The following PPARGC1B variants were observed in gnomAD, a reference collection of about 807,000 sequenced individuals.
PPARGC1B encodes the protein peroxisome proliferator-activated receptor gamma coactivator 1-beta.
In PPARGC1B, 34 loss-of-function variants were observed where a neutral mutation model predicts 101.6. The observed-to-expected ratio is 0.33, with a 90% CI of 0.25 to 0.45. PPARGC1B has a LOEUF of 0.45. Ranked by LOEUF, PPARGC1B falls within the 20% of genes least tolerant of loss-of-function variation. The pLI, the probability that PPARGC1B is intolerant of heterozygous loss-of-function variation, is 1.00. For missense variants in PPARGC1B, 1,234 were observed against 1,317.6 expected (o/e 0.94, Z 0.98); for synonymous variants, 548 against 539.3 (o/e 1.02, Z -0.22).
chr5:149,793,836 G>A (rs1757109452), intron 1 of PPARGC1B, among the ~76,000 whole-genome samples: 1 of 152,240 alleles, frequency 6.6e-6, no homozygotes. Flanking sequence ...GCAGAGACAA[G>A]CAGCTCTGAA....
At chr5:149,743,217 G>GTGA (rs1268904170) in intron 1 of PPARGC1B, among the ~76,000 whole-genome samples, 1 of 148,790 alleles carries the variant, frequency 6.7e-6, no homozygotes, top group Non-Finnish European at 1.5e-5. Context: ...GTGCAGTGGT[G>GTGA]TGATCTCGGC....
intron 4 of PPARGC1B, among the ~76,000 whole-genome samples, chr5:149,831,288 TAGACATCCAGGGTCA>T (rs1007561967): frequency 2.6e-5 from 4 of 152,270 alleles, no homozygotes; most frequent in African/African-American, 9.6e-5. Flanking sequence ...AGCTCTGCCA[TAGACATCCAGGGTCA>T]AAGAACATCC....
chr5:149,762,520 C>A (rs953558778), intron 1 of PPARGC1B, among the ~76,000 whole-genome samples: 3 of 152,178 alleles, frequency 2.0e-5, no homozygotes, highest in Non-Finnish European at 4.4e-5. Context: ...CTGACCCACC[C>A]ATGGGGCCTC....
Position 149,833,693 on chromosome 5 carries a change from C to T in PPARGC1B, c.1620C>T (p.Pro540=). Residue 540 remains proline (P), a synonymous_variant, in exon 5 of 12, where the codon CCC becomes CCT. Coordinates refer to ENST00000309241, the MANE Select transcript of PPARGC1B (RefSeq NM_133263.4). This position sits in a 1 kb window ranked among gnomAD's most constrained non-coding sequence, Gnocchi z 4.1. ...AAGACCAGCAGCTCCTACGGGGACC[C>T]CAGATCCCTGCCCTGGAGAGCCCCT... ...SGQDQQLLRG[P]QIPALESPCE... is the part of the protein sequence containing the mutation. The T allele has an allele frequency of 6.2e-7, 1 of 1,608,242 alleles. No individual in the cohort carries two copies. The highest frequency in any genetic ancestry group is 8.5e-7 in the Non-Finnish European group (1 of 1,178,338).
intron 1 of PPARGC1B, among the ~76,000 whole-genome samples, chr5:149,777,273 C>T (rs1756400310): frequency 1.3e-5 from 2 of 152,204 alleles, no homozygotes; most frequent in South Asian, 4.1e-4. Context: ...CTGCTCACCA[C>T]ACATGCTCTG....
At chr5:149,788,018 A>G (rs1464465271) in intron 1 of PPARGC1B, among the ~76,000 whole-genome samples, 1 of 152,256 alleles carries the variant, frequency 6.6e-6, no homozygotes, top group African/African-American at 2.4e-5. Flanking sequence ...GGCATGGGCA[A>G]GGACTTCATG....
chr5:149,763,949 G>A (rs760486062), intron 1 of PPARGC1B, among the ~76,000 whole-genome samples: 3 of 151,952 alleles, frequency 2.0e-5, no homozygotes, highest in Non-Finnish European at 4.4e-5. Context: ...CAAAGTGCTG[G>A]GATTACAGGT....
chr5:149,778,060 A>ATC (rs58362376), intron 1 of PPARGC1B, among the ~76,000 whole-genome samples: 2 of 31,660 alleles, frequency 6.3e-5, no homozygotes, highest in Non-Finnish European at 1.1e-4. Flanking sequence ...ATGTAGCAGC[A>ATC]TCTCACACAC....
chr5:149,818,777 C>T (rs925236586), intron 1 of PPARGC1B: 4 of 455,206 alleles, frequency 8.8e-6, no homozygotes, highest in Non-Finnish European at 1.8e-5. Flanking sequence ...TGTTATATTA[C>T]TCTTAGCTGA....
At chr5:149,755,486 A>C (rs980607195) in intron 1 of PPARGC1B, among the ~76,000 whole-genome samples, 2 of 152,100 alleles carry the variant, frequency 1.3e-5, no homozygotes, top group Non-Finnish European at 2.9e-5. Flanking sequence ...CAGTTCTGCT[A>C]GCTGTTAGAT....
intron 1 of PPARGC1B, chr5:149,772,054 G>T: frequency 6.5e-7 from 1 of 1,544,708 alleles, no homozygotes; most frequent in Non-Finnish European, 8.7e-7. Context: ...GCCAGGCTGT[G>T]CACAGGTGGG....
chr5:149,774,673 A>G (rs927878501), intron 1 of PPARGC1B, among the ~76,000 whole-genome samples: 1 of 151,752 alleles, frequency 6.6e-6, no homozygotes, highest in Non-Finnish European at 1.5e-5. Context: ...GGGACCTGTA[A>G]TGACTAGGTC....
At chr5:149,773,482 C>T (rs1756227493) in intron 1 of PPARGC1B, among the ~76,000 whole-genome samples, 2 of 152,252 alleles carry the variant, frequency 1.3e-5, no homozygotes, top group Admixed American at 6.5e-5. Context: ...GCAGCGTCTA[C>T]TCTTAGGTGT....
downstream of PPARGC1B, among the ~76,000 whole-genome samples, chr5:149,855,960 T>C (rs1284742630): frequency 1.3e-5 from 2 of 151,556 alleles, no homozygotes; most frequent in Non-Finnish European, 2.9e-5. Context: ...CTACTAACAA[T>C]ACAAAAATTA....
intron 6 of PPARGC1B, among the ~76,000 whole-genome samples, chr5:149,834,927 G>A (rs1042934826): frequency 2.0e-5 from 3 of 152,174 alleles, no homozygotes; most frequent in African/African-American, 7.2e-5. Flanking sequence ...AAGGCCTCAG[G>A]CCATTTCATA....
intron 1 of PPARGC1B, among the ~76,000 whole-genome samples, chr5:149,792,570 G>A (rs1052668273): frequency 6.6e-6 from 1 of 152,194 alleles, no homozygotes; most frequent in African/African-American, 2.4e-5. Context: ...TTCTAATTCT[G>A]GCCGGCGGCA....
downstream of PPARGC1B, among the ~76,000 whole-genome samples, chr5:149,856,865 G>A (rs1045145672): frequency 2.0e-4 from 31 of 151,310 alleles, no homozygotes; most frequent in Admixed American, 5.9e-4. Flanking sequence ...CTGCCTCCTG[G>A]ATTCAAATGA....
chr5:149,821,871 T>C (rs1758316950), intron 2 of PPARGC1B, among the ~76,000 whole-genome samples: 1 of 152,174 alleles, frequency 6.6e-6, no homozygotes, highest in Non-Finnish European at 1.5e-5. Flanking sequence ...AAGCTATCAG[T>C]TGTGTACTCC....
At chr5:149,856,434 C>A (rs1759952718), downstream of PPARGC1B, among the ~76,000 whole-genome samples, 1 of 152,144 alleles carries the variant, frequency 6.6e-6, no homozygotes, top group Admixed American at 6.6e-5. Context: ...GGAGAACAGG[C>A]CTGCCTTTCC....
Sources: gnomAD v4.1 joint callset for allele counts (sites outside exome capture counted in the v4.1 genomes callset) on GRCh38, gnomAD v4.1.1 for gene constraint, Gnocchi (gnomAD v3.1) non-coding constraint, MANE v1.5 for transcripts, NCBI Gene and HGNC (gene_info 2026-07-23, HGNC 2026-07-21) for gene names.